Variants in STIMATE observed in about 807,000 individuals in gnomAD.
The protein encoded by STIMATE is store-operated calcium entry regulator STIMATE.
STIMATE carries 15 observed loss-of-function variants against 36.7 expected under a neutral mutation model. That is an observed-to-expected ratio of 0.41 (90% CI 0.27 to 0.63). STIMATE has a LOEUF of 0.63. Ranked by LOEUF, STIMATE falls within the 20% of genes least tolerant of loss-of-function variation. The pLI is 0.32. For synonymous variants in STIMATE, 163 were observed against 162.3 expected (o/e 1.00, Z -0.03); for missense variants, 305 against 397.3 (o/e 0.77, Z 1.98).
At chr3:52,858,742 T>C (rs1701150187) in intron 1 of STIMATE, among the ~76,000 whole-genome samples, 1 of 152,236 alleles carries the variant, frequency 6.6e-6, no homozygotes, top group Admixed American at 6.5e-5. Flanking sequence ...ATTGCAGGTG[T>C]GTCAGGATGT....
intron 1 of STIMATE, among the ~76,000 whole-genome samples, chr3:52,888,278 A>G (rs1701726543): frequency 6.6e-6 from 1 of 152,160 alleles, no homozygotes. Context: ...AGCCCTGGCA[A>G]GTGAAGGGTA....
chr3:52,847,346 T>G, intron 4 of STIMATE: 1 of 1,218,022 alleles, frequency 8.2e-7, no homozygotes, highest in Non-Finnish European at 1.0e-6. Context: ...CGAGAGGCTT[T>G]CAAAAGGGAG....
intron 1 of STIMATE, among the ~76,000 whole-genome samples, chr3:52,858,594 C>A (rs1701148539): frequency 1.3e-5 from 2 of 152,116 alleles, no homozygotes; most frequent in Non-Finnish European, 2.9e-5. Context: ...TGCATTCCAG[C>A]CTGGGAAAGA....
At chr3:52,844,351 G>C (rs1578798820) in intron 5 of STIMATE, among the ~76,000 whole-genome samples, 1 of 152,334 alleles carries the variant, frequency 6.6e-6, no homozygotes, top group Non-Finnish European at 1.5e-5. Context: ...GATGAGGAGT[G>C]GGGGTTTATC....
intron 1 of STIMATE, among the ~76,000 whole-genome samples, chr3:52,873,977 T>C (rs1404585078): frequency 6.6e-6 from 1 of 152,228 alleles, no homozygotes; most frequent in Non-Finnish European, 1.5e-5. Context: ...TTTCCACCAG[T>C]CCACAAAACA....
intron 2 of STIMATE, 69 bp downstream of exon 2, chr3:52,855,327 C>CACCCCCCCCCCCCAA: frequency 6.4e-7 from 1 of 1,567,982 alleles, no homozygotes; most frequent in Non-Finnish European, 8.7e-7. Context: ...CACCATACCC[C>CACCCCCCCCCCCCAA]ACCCCCAGCC....
chr3:52,867,106 G>A (rs1444413766), intron 1 of STIMATE, among the ~76,000 whole-genome samples: 1 of 152,172 alleles, frequency 6.6e-6, no homozygotes, highest in Non-Finnish European at 1.5e-5. Context: ...AACATGGGTG[G>A]AAAATCACCC....
At chr3:52,842,602 T>C (rs1474466727) in intron 7 of STIMATE, among the ~76,000 whole-genome samples, 3 of 152,206 alleles carry the variant, frequency 2.0e-5, no homozygotes, top group African/African-American at 2.4e-5. Context: ...CCTCCTGCCC[T>C]AGGCAGGCCC....
chr3:52,884,889 C>A (rs1392091151), intron 1 of STIMATE, among the ~76,000 whole-genome samples: 1 of 152,174 alleles, frequency 6.6e-6, no homozygotes, highest in Non-Finnish European at 1.5e-5. Flanking sequence ...ATGCACACGT[C>A]CTTCTATGGC....
chr3:52,883,958 T>C (rs1701650593), intron 1 of STIMATE, among the ~76,000 whole-genome samples: 1 of 152,210 alleles, frequency 6.6e-6, no homozygotes, highest in Admixed American at 6.5e-5. Flanking sequence ...CTAACCTGTC[T>C]AGAAATTGTT....
At chr3:52,844,435 G>T (rs1700859516) in intron 5 of STIMATE, among the ~76,000 whole-genome samples, 1 of 152,240 alleles carries the variant, frequency 6.6e-6, no homozygotes, top group African/African-American at 2.4e-5. Context: ...TCGGCACACT[G>T]AAGGTCACAG....
At chr3:52,844,789 C>A (rs765153424) in intron 5 of STIMATE, 40 bp downstream of exon 5, 4 of 1,606,200 alleles carry the variant, frequency 2.5e-6, no homozygotes, top group Non-Finnish European at 3.4e-6. Context: ...GCTGCTTGCT[C>A]AGCGTGGCAA....
chr3:52,891,953 CAT>C (rs1239721448), intron 1 of STIMATE, among the ~76,000 whole-genome samples: 7 of 152,206 alleles, frequency 4.6e-5, no homozygotes, highest in Non-Finnish European at 7.3e-5. Flanking sequence ...ATTATTACCA[CAT>C]GTTACTGGGG....
chr3:52,859,939 A>T (rs1394401934), intron 1 of STIMATE, among the ~76,000 whole-genome samples: 1 of 151,926 alleles, frequency 6.6e-6, no homozygotes, highest in Non-Finnish European at 1.5e-5. Flanking sequence ...AGCACCTTTG[A>T]TCAAGTTCAG....
At chr3:52,847,513 A>G (rs957210268) in intron 4 of STIMATE, 1 of 1,289,682 alleles carries the variant, frequency 7.8e-7, no homozygotes, top group Non-Finnish European at 1.0e-6. Flanking sequence ...TATTTCCCTG[A>G]GTCCCGCATT....
chr3:52,856,748 C>A (rs1029625119), intron 1 of STIMATE, among the ~76,000 whole-genome samples: 10 of 152,192 alleles, frequency 6.6e-5, no homozygotes, highest in African/African-American at 2.4e-4. Context: ...TGTCTGGGCA[C>A]TCATTCAGCA....
At chr3:52,880,242 C>T (rs1701579954) in intron 1 of STIMATE, among the ~76,000 whole-genome samples, 1 of 152,226 alleles carries the variant, frequency 6.6e-6, no homozygotes. Context: ...AATCAGCACG[C>T]ATCCTTCTGA....
At chr3:52,840,865 T>C (rs911857664) in intron 7 of STIMATE, among the ~76,000 whole-genome samples, 1 of 151,968 alleles carries the variant, frequency 6.6e-6, no homozygotes, top group Admixed American at 6.6e-5. Context: ...GCCTGGTTCG[T>C]TGTTTTTTTT....
chr3:52,877,850 C>T (rs1701527224), intron 1 of STIMATE, among the ~76,000 whole-genome samples: 1 of 152,128 alleles, frequency 6.6e-6, no homozygotes, highest in African/African-American at 2.4e-5. Flanking sequence ...AATCCCAGCA[C>T]TTTGAGAGGC....
Sources: gnomAD v4.1 joint callset for allele counts (sites outside exome capture counted in the v4.1 genomes callset) on GRCh38, gnomAD v4.1.1 for gene constraint, MANE v1.5 for transcripts, NCBI Gene and HGNC (gene_info 2026-07-23, HGNC 2026-07-21) for gene names.